BTRC: variants seen among roughly 807,000 people sequenced by gnomAD.
The protein encoded by BTRC is beta-transducin repeat containing E3 ubiquitin protein ligase.
A neutral mutation model predicts 85.5 loss-of-function variants in BTRC; 42 were observed. The ratio of observed to expected loss-of-function variants is 0.49; its 90% CI spans 0.38 to 0.64. BTRC has a LOEUF of 0.64. Among genes scored for constraint, BTRC ranks in the 30% least tolerant of loss-of-function variants. The probability of loss-of-function intolerance (pLI) is 0.00; values close to 1 mark genes in which losing one functional copy is unlikely to be tolerated. For synonymous variants in BTRC, 255 were observed against 263.3 expected, an observed-to-expected ratio of 0.97 and a Z score of 0.30; for missense variants, 594 against 743.5, an observed-to-expected ratio of 0.80 and a Z score of 2.34.
intron 1 of BTRC, among the ~76,000 whole-genome samples, chr10:101,355,437 G>A (rs953828230): frequency 3.9e-5 from 6 of 152,130 alleles, no homozygotes; most frequent in African/African-American, 9.7e-5. Context: ...TGGCAAACTC[G>A]TATAGTCTGA....
At chr10:101,448,885 T>G (rs1944892379) in intron 2 of BTRC, among the ~76,000 whole-genome samples, 1 of 152,044 alleles carries the variant, frequency 6.6e-6, no homozygotes, top group African/African-American at 2.4e-5. Context: ...GACATGTTTT[T>G]CAGCCTTGGG....
chr10:101,463,948 TAAAAA>T (rs11332648), intron 3 of BTRC, among the ~76,000 whole-genome samples: 2 of 148,570 alleles, frequency 1.3e-5, no homozygotes, highest in Non-Finnish European at 3.0e-5. Flanking sequence ...CAGGAAGCTT[TAAAAA>T]AAAAAACAAA....
intron 1 of BTRC, among the ~76,000 whole-genome samples, chr10:101,358,891 C>A (rs63737460): frequency 0.27 from 41,136 of 151,852 alleles, 6,698 homozygotes; most frequent in South Asian, 0.4. Flanking sequence ...GGAAGGGTGG[C>A]GTGCATAAAC....
chr10:101,438,865 A>G (rs763915994), intron 2 of BTRC, among the ~76,000 whole-genome samples: 2 of 152,132 alleles, frequency 1.3e-5, no homozygotes, highest in Non-Finnish European at 2.9e-5. Flanking sequence ...AAATAACACA[A>G]TATTTGACCA....
chr10:101,409,514 GTCA>G (rs898906354), intron 1 of BTRC, among the ~76,000 whole-genome samples: 3 of 152,116 alleles, frequency 2.0e-5, no homozygotes, highest in Non-Finnish European at 4.4e-5. Context: ...TTGTGTGAAC[GTCA>G]TCTAGTGTAC....
rs2061975261 is a variant in BTRC, at chr10:101,512,930, T to A, written c.325-8709T>A. On this transcript the variant is annotated intron_variant, in intron 4 of 14. Transcript: ENST00000370187. ...TTAAGCTGAGGCTGTTTGTCAGCTT[T>A]CCAAGACACTTGAACAGTAGTGGTT... Among the ~76,000 whole-genome samples the A allele has an allele frequency of 2.6e-5, 4 of 152,252 alleles. No individual in the cohort carries two copies. In the South Asian group the frequency reaches 8.3e-4, roughly 31 times the overall value.
At chr10:101,369,147 C>G (rs1014157598) in intron 1 of BTRC, among the ~76,000 whole-genome samples, 3 of 151,998 alleles carry the variant, frequency 2.0e-5, no homozygotes, top group Non-Finnish European at 4.4e-5. Flanking sequence ...GGTTTGTTGA[C>G]TGTTTAGACA....
At position 101,553,388 on chromosome 10, in the gene BTRC, T is replaced by A. The variant is rs1400248816; in HGVS notation, c.*265T>A. ...ATCTTTTGTGAATGATTGGAACTTT[T>A]AAACCTCCCCTCCTCTCCTCCTTTC... On this transcript the variant is annotated 3_prime_UTR_variant, in exon 15 of 15. Transcript: ENST00000370187. 1 of 152,710 alleles carries A rather than the reference T, an allele frequency of 6.5e-6. No individual in the cohort carries two copies. Among genetic ancestry groups the A allele is most frequent in the African/African-American group, 2.4e-5 (1 of 41,458 alleles). The allele number at this position is 152,710 out of a possible 1,614,324, so 9.5% of individuals were successfully genotyped here. A position where few individuals can be genotyped will look rare whatever the true frequency, so the allele number is the denominator to read the frequency against.
At chr10:101,392,883 A>G (rs909101601) in intron 1 of BTRC, among the ~76,000 whole-genome samples, 1 of 152,196 alleles carries the variant, frequency 6.6e-6, no homozygotes, top group Non-Finnish European at 1.5e-5. Flanking sequence ...GTTTTCATCC[A>G]TGGTCCTGGT....
intron 3 of BTRC, among the ~76,000 whole-genome samples, chr10:101,464,545 C>G (rs1457273816): frequency 7.2e-6 from 1 of 138,160 alleles, no homozygotes; most frequent in Non-Finnish European, 1.6e-5. Flanking sequence ...CCCCCCACCC[C>G]CCCCATGGTG....
At chr10:101,536,438 T>C in intron 11 of BTRC, 105 bp from the exon 12 acceptor site, 1 of 792,768 alleles carries the variant, frequency 1.3e-6, no homozygotes, top group South Asian at 1.6e-5. Context: ...TGGTGATTGA[T>C]TTTATTTTAT....
In BTRC at chr10:101,553,276, T is replaced by C. The variant is rs980185419; in HGVS notation, c.*153T>C. 3.9e-5 allele frequency: 6 copies of C among 152,674 alleles called. No homozygotes were observed. Among genetic ancestry groups the C allele is most frequent in the Non-Finnish European group, 8.8e-5 (6 of 68,080 alleles). The allele number at this position is 152,674 out of a possible 1,614,324, so 9.5% of individuals were successfully genotyped here. ...GAGGAGCAGGGCTTTGAGACTCCTG[T>C]TGGGACACAGTTGGTCTGCAGTCGG... is the stretch of plus-strand genomic sequence containing the variant. On this transcript the variant is annotated 3_prime_UTR_variant, in exon 15 of 15. Transcript: ENST00000370187.
At chr10:101,462,109 A>C in intron 3 of BTRC, 51 bp downstream of exon 3, 1 of 1,259,310 alleles carries the variant, frequency 7.9e-7, no homozygotes, top group Non-Finnish European at 1.1e-6. Flanking sequence ...AGCAAAACAA[A>C]AGACAGGAGG....
In BTRC at chr10:101,429,683, G is replaced by A. The variant is rs534239430; in HGVS notation, c.49-662G>A. ...TCTGTTTGGGTTGTTTCTTCCCCTC[G>A]CCTTATACCCCCCACCCCCCACAGA... On this transcript the variant is annotated intron_variant, in intron 1 of 14. Transcript: ENST00000370187. 7.4e-5 allele frequency among the ~76,000 whole-genome samples: 10 copies of A among 134,658 alleles called. No homozygotes were observed. The East Asian group carries it at 1.7e-3, about 23-fold the overall frequency. 88.3% of individuals were successfully genotyped at this position (134,658 alleles called of 152,430 possible).
chr10:101,510,066 G>A (rs1186727362), intron 4 of BTRC, among the ~76,000 whole-genome samples: 2 of 151,868 alleles, frequency 1.3e-5, no homozygotes, highest in South Asian at 2.1e-4. Context: ...CCTGGGAGGC[G>A]GAGGTTGCAG....
chr10:101,376,586 A>G (rs1176022985), intron 1 of BTRC, among the ~76,000 whole-genome samples: 1 of 152,194 alleles, frequency 6.6e-6, no homozygotes, highest in African/African-American at 2.4e-5. Context: ...ATCACATCAC[A>G]ATAAAACTGG....
chr10:101,406,180 C>CTT (rs1203668650), intron 1 of BTRC, among the ~76,000 whole-genome samples: 4 of 144,040 alleles, frequency 2.8e-5, no homozygotes, highest in Non-Finnish European at 3.1e-5. Flanking sequence ...ACTGCTTATA[C>CTT]TTTTTTTTTT....
In BTRC at chr10:101,433,022, A is replaced by G. The variant is rs559999554; in HGVS notation, c.156+2570A>G. 4.6e-5 allele frequency among the ~76,000 whole-genome samples: 7 copies of G among 152,170 alleles called. No homozygotes were observed. In the South Asian group the frequency reaches 1.2e-3, roughly 27 times the overall value. On this transcript the variant is annotated intron_variant, in intron 2 of 14. Transcript: ENST00000370187. ...GTTTAGTGCCCCCAACATGAATCAC[A>G]TTTGTCCAGTCGCTAAATCTCTCAG...
At chr10:101,418,859 C>T (rs987652632) in intron 1 of BTRC, among the ~76,000 whole-genome samples, 1 of 152,080 alleles carries the variant, frequency 6.6e-6, no homozygotes, top group South Asian at 2.1e-4. Flanking sequence ...TCCCCTGACC[C>T]GCCCTCCTGG....
Sources: allele counts gnomAD v4.1 joint callset (sites outside exome capture counted in the v4.1 genomes callset), GRCh38; gene constraint gnomAD v4.1.1; transcripts MANE v1.5; gene names NCBI Gene and HGNC (gene_info 2026-07-23, HGNC 2026-07-21).